GLI3: variants seen among roughly 807,000 people sequenced by gnomAD.
The protein encoded by GLI3 is GLI family zinc finger 3.
Under a neutral mutation model 100.8 loss-of-function variants are expected in GLI3, and 20 were observed. The ratio of observed to expected loss-of-function variants is 0.20; its 90% CI spans 0.14 to 0.29. GLI3 has a LOEUF of 0.29. Among genes scored for constraint, GLI3 ranks in the 10% least tolerant of loss-of-function variants. The probability of loss-of-function intolerance (pLI) is 1.00; values close to 1 mark genes in which losing one functional copy is unlikely to be tolerated. For missense variants in GLI3, 2,040 were observed against 2,128.5 expected (o/e 0.96, Z 0.82); for synonymous variants, 938 against 860.5 (o/e 1.09, Z -1.58).
intron 10 of GLI3, among the ~76,000 whole-genome samples, chr7:42,019,342 C>T (rs974215781): frequency 2.0e-5 from 3 of 152,186 alleles, no homozygotes; most frequent in South Asian, 2.1e-4. Flanking sequence ...CTGAGACTAA[C>T]GTGTGCTGCA....
upstream of GLI3, among the ~76,000 whole-genome samples, chr7:42,238,324 T>A (rs894561235): frequency 4.6e-5 from 7 of 152,118 alleles, no homozygotes; most frequent in Non-Finnish European, 1.0e-4. Context: ...CTCCCCTTTA[T>A]TCTTTTAAGG....
At chr7:42,174,836 C>G (rs779595462) in intron 2 of GLI3, among the ~76,000 whole-genome samples, 14 of 152,150 alleles carry the variant, frequency 9.2e-5, no homozygotes, top group Non-Finnish European at 1.8e-4. Context: ...GGGCAAGTCA[C>G]TGAACTCCCC....
In GLI3 at chr7:42,040,165, C is replaced by T. The variant is rs752246768; in HGVS notation, c.901G>A (p.Asp301Asn). The T allele has an allele frequency of 3.1e-5, 50 of 1,613,672 alleles. 1 individual carries two copies. In the Admixed American group the frequency reaches 4.3e-4, roughly 14 times the overall value. ...KRTLSISPLS[D>N]HSFDLQTMIR... ...ATGGTCTGAAGGTCAAAGCTATGAT[C>T]GGAGAGTGGTGATATGGACAGTGTA... Residue 301 changes from aspartate (D) to asparagine (N), a missense_variant, in exon 7 of 15, where the codon GAT becomes AAT. Physicochemically the swap from Asp to Asn is conservative, Grantham distance 23 (BLOSUM62 1). Transcript: ENST00000395925.
chr7:42,235,992 C>T (rs1788783006), intron 1 of GLI3, among the ~76,000 whole-genome samples: 1 of 151,908 alleles, frequency 6.6e-6, no homozygotes, highest in African/African-American at 2.4e-5. Context: ...CCTCCTTAAT[C>T]CTCTTTCCAC....
In GLI3 at chr7:41,972,458, T is replaced by C; in HGVS notation, c.1982A>G (p.Gln661Arg). 6.2e-7 allele frequency: 1 copy of C among 1,613,778 alleles called. No homozygotes were observed. The stretch of plus-strand genomic sequence containing the variant: ...AGTCGGTCGGCCAGGCGACCTGGAC[T>C]GTGAATGGCTGCCGGAATCTCTCGG... ...PPPRDSGSHSQSRSPGRPTQG... is the reference protein window; with the variant it reads ...PPPRDSGSHSRSRSPGRPTQG... Residue 661 changes from glutamine (Q) to arginine (R), a missense_variant, in exon 13 of 15, where the codon CAG becomes CGG. Physicochemically the swap from Gln to Arg is conservative, Grantham distance 43. This residue lies in a region of GLI3 where 327 missense variants were observed against 338.7 expected (regional missense o/e 0.97). Transcript: ENST00000395925. The surrounding 1 kb of genome is among the most constrained non-coding windows in gnomAD (Gnocchi z 4.4).
chr7:42,115,133 C>CA (rs768579051), intron 3 of GLI3, among the ~76,000 whole-genome samples: 16 of 99,644 alleles, frequency 1.6e-4, no homozygotes, highest in Non-Finnish European at 3.1e-4. Flanking sequence ...AATTTTCCTA[C>CA]TTTTTTTTTT....
intron 10 of GLI3, among the ~76,000 whole-genome samples, chr7:42,008,118 A>G (rs945761000): frequency 3.1e-4 from 47 of 152,198 alleles, no homozygotes; most frequent in African/African-American, 1.1e-3. Flanking sequence ...TAGTCCAGCA[A>G]CCCACTGGAT....
Position 41,967,927 on chromosome 7 carries a change from T to C in GLI3, c.2104-4A>G, listed in dbSNP as rs759453255. On this transcript the variant is annotated splice_polypyrimidine_tract_variant and splice_region_variant and intron_variant, in intron 13 of 14. Transcript: ENST00000395925. ...CACCAGGGCTTGGCTGAGATGTCTGTTGGGGTCAAGTGGAAAGGAAAGAAA... is the reference window on the plus strand; with the variant it reads ...CACCAGGGCTTGGCTGAGATGTCTGCTGGGGTCAAGTGGAAAGGAAAGAAA... 5 of 1,613,448 alleles carry C rather than the reference T, an allele frequency of 3.1e-6. No homozygotes were observed. Among genetic ancestry groups the C allele is most frequent in the East Asian group, 2.2e-5 (1 of 44,868 alleles).
chr7:42,004,304 A>G (rs1250732158), intron 10 of GLI3, among the ~76,000 whole-genome samples: 1 of 152,246 alleles, frequency 6.6e-6, no homozygotes, highest in Non-Finnish European at 1.5e-5. Flanking sequence ...TATGTATCTG[A>G]TATTTTAGAT....
At chr7:42,190,559 C>A (rs1205289020) in intron 2 of GLI3, among the ~76,000 whole-genome samples, 2 of 152,128 alleles carry the variant, frequency 1.3e-5, no homozygotes, top group African/African-American at 4.8e-5. Context: ...CCAATAAAGG[C>A]TCCAGACTCA....
intron 1 of GLI3, among the ~76,000 whole-genome samples, chr7:42,235,919 C>T (rs753612782): frequency 1.3e-5 from 2 of 152,228 alleles, no homozygotes; most frequent in Non-Finnish European, 2.9e-5. Flanking sequence ...AGGCCAGAAT[C>T]TACCCGGCAG....
chr7:42,028,383 T>C (rs1308999112), intron 7 of GLI3, among the ~76,000 whole-genome samples: 1 of 152,060 alleles, frequency 6.6e-6, no homozygotes. Context: ...TAATTAAAAA[T>C]AGAGACCATT....
chr7:42,076,021 A>C (rs953080429), intron 4 of GLI3, among the ~76,000 whole-genome samples: 2 of 152,236 alleles, frequency 1.3e-5, no homozygotes, highest in African/African-American at 2.4e-5. Context: ...GTATATATCA[A>C]GGCCGTTAGC....
intron 2 of GLI3, among the ~76,000 whole-genome samples, chr7:42,184,239 G>T (rs1689225680): frequency 6.6e-6 from 1 of 152,184 alleles, no homozygotes; most frequent in African/African-American, 2.4e-5. Flanking sequence ...CTCTGCTCTG[G>T]CCAGTCTCTG....
intron 3 of GLI3, among the ~76,000 whole-genome samples, chr7:42,120,276 C>G (rs938111129): frequency 6.6e-6 from 1 of 152,098 alleles, no homozygotes; most frequent in African/African-American, 2.4e-5. Context: ...GAAATCTGCC[C>G]GAACTCTGAT....
chr7:42,140,067 G>T (rs1222076045), intron 3 of GLI3, among the ~76,000 whole-genome samples: 1 of 152,200 alleles, frequency 6.6e-6, no homozygotes, highest in African/African-American at 2.4e-5. Flanking sequence ...GCAGATGTCA[G>T]TTCTTCCTTT....
At chr7:42,002,058 A>C (rs911949121) in intron 10 of GLI3, among the ~76,000 whole-genome samples, 1 of 36,858 alleles carries the variant, frequency 2.7e-5, no homozygotes, top group Non-Finnish European at 4.7e-5. Context: ...ATGGCAAGAC[A>C]CACACACACA....
At chr7:42,024,944 T>C (rs940260464) in intron 9 of GLI3, among the ~76,000 whole-genome samples, 1 of 152,208 alleles carries the variant, frequency 6.6e-6, no homozygotes, top group African/African-American at 2.4e-5. Context: ...TGGTCGCACC[T>C]GTGGCCAGCA....
rs547578981 is a variant in GLI3 at position 42,085,052 on chromosome 7, C to T, written c.368-8195G>A. Among the ~76,000 whole-genome samples, 11 of 151,910 alleles carry T rather than the reference C, an allele frequency of 7.2e-5. No individual in the cohort carries two copies. The East Asian group carries it at 9.7e-4, about 13-fold the overall frequency. On this transcript the variant is annotated intron_variant, in intron 3 of 14. Coordinates refer to ENST00000395925, the MANE Select transcript of GLI3 (RefSeq NM_000168.6). The stretch of plus-strand genomic sequence containing the variant: ...TCAGCCTCCCGAGTAGCTGGGATTA[C>T]AGGTGCCCACCACCACGCCCGGCTA...
Sources: gnomAD v4.1 joint callset for allele counts (sites outside exome capture counted in the v4.1 genomes callset) on GRCh38, gnomAD v4.1.1 for gene constraint, gnomAD v4.1.1 regional missense constraint, Gnocchi (gnomAD v3.1) non-coding constraint, MANE v1.5 for transcripts, NCBI Gene and HGNC (gene_info 2026-07-23, HGNC 2026-07-21) for gene names.